ZNF138: variants seen among roughly 807,000 people sequenced by gnomAD.
The protein encoded by ZNF138 is zinc finger protein 138 (clone pHZ-32).
ZNF138 carries 33 observed loss-of-function variants against 33.0 expected under a neutral mutation model. The observed-to-expected ratio is 1.00, with a 90% CI of 0.76 to 1.34. The LOEUF (loss-of-function observed/expected upper bound fraction) is 1.34, where lower values mean the gene tolerates loss of function less well. ZNF138 is among the 40% of genes most tolerant of loss of function. The pLI is 0.00. For missense variants in ZNF138, 360 were observed against 370.8 expected (o/e 0.97, Z 0.24); for synonymous variants, 139 against 120.4 (o/e 1.15, Z -1.01).
chr7:64,805,418 A>AACAAAAC (rs772671539), intron 1 of ZNF138, among the ~76,000 whole-genome samples: 2 of 149,990 alleles, frequency 1.3e-5, no homozygotes, highest in African/African-American at 5.1e-5. Context: ...AAACAAAAAA[A>AACAAAAC]AAAACTGAGG....
the ZNF138 span, chr7:64,852,564 A>G: frequency 6.4e-7 from 1 of 1,564,872 alleles, no homozygotes; most frequent in Non-Finnish European, 8.8e-7. Flanking sequence ...ATCTCTGCAC[A>G]GAACCGAGCT....
chr7:64,847,903 G>T, the ZNF138 span, among the ~76,000 whole-genome samples: 1 of 151,976 alleles, frequency 6.6e-6, no homozygotes, highest in African/African-American at 2.4e-5. Flanking sequence ...GTTATTTGTG[G>T]CCTGTATACT....
At chr7:64,811,177 C>T (rs757807756) in intron 1 of ZNF138, among the ~76,000 whole-genome samples, 1 of 151,974 alleles carries the variant, frequency 6.6e-6, no homozygotes, top group Admixed American at 6.5e-5. Flanking sequence ...AATGCTGGGC[C>T]CTTTTTCTAA....
rs1446700696 is a variant in ZNF138 at position 64,832,626 on chromosome 7, CT to C, written c.*426del. 3 of 477,446 alleles carry C rather than the reference CT, an allele frequency of 6.3e-6. No homozygotes were observed. The highest frequency in any genetic ancestry group is 5.1e-5 in the Admixed American group (2 of 39,190). 29.6% of individuals were successfully genotyped at this position (477,446 alleles called of 1,614,324 possible). A position where few individuals can be genotyped will look rare whatever the true frequency, so the allele number is the denominator to read the frequency against. On this transcript the variant is annotated 3_prime_UTR_variant, in exon 4 of 4. Transcript: ENST00000307355. Reference sequence around the variant, plus strand: ...CAAAGCTTTTAACCAGTCCTCACACCTTATGAGACATAAGAAAATTCATAGT... The same window carrying C: ...CAAAGCTTTTAACCAGTCCTCACACCTATGAGACATAAGAAAATTCATAGT...
chr7:64,849,609 T>C, the ZNF138 span, among the ~76,000 whole-genome samples: 2 of 151,642 alleles, frequency 1.3e-5, no homozygotes, highest in African/African-American at 4.8e-5. Context: ...TTGGGCGGGG[T>C]TTGCTGCAGC....
At chr7:64,843,620 C>T in the ZNF138 span, among the ~76,000 whole-genome samples, 1 of 151,864 alleles carries the variant, frequency 6.6e-6, no homozygotes, top group South Asian at 2.1e-4. Context: ...TTTTAATAGT[C>T]TTTTGTCATA....
At chr7:64,839,070 CGA>C in the ZNF138 span, among the ~76,000 whole-genome samples, 1 of 152,122 alleles carries the variant, frequency 6.6e-6, no homozygotes, top group African/African-American at 2.4e-5. Flanking sequence ...AGCGGTCTGA[CGA>C]GAGCGGAGGT....
chr7:64,860,030 A>C, the ZNF138 span, among the ~76,000 whole-genome samples: 1 of 152,172 alleles, frequency 6.6e-6, no homozygotes, highest in Non-Finnish European at 1.5e-5. Flanking sequence ...CCAGCTACTC[A>C]GGAAGCTGAG....
intron 3 of ZNF138, among the ~76,000 whole-genome samples, chr7:64,820,939 A>G (rs62456838): frequency 0.048 from 7,212 of 151,414 alleles, 283 homozygotes; most frequent in East Asian, 0.14. Flanking sequence ...TTTTCCACCA[A>G]CAATCAACAT....
chr7:64,806,237 C>T (rs531764773), intron 1 of ZNF138, among the ~76,000 whole-genome samples: 23 of 152,326 alleles, frequency 1.5e-4, no homozygotes, highest in African/African-American at 5.5e-4. Flanking sequence ...AATATGCAGG[C>T]AGAATTGTGT....
At chr7:64,845,568 T>C in the ZNF138 span, among the ~76,000 whole-genome samples, 1 of 152,340 alleles carries the variant, frequency 6.6e-6, no homozygotes, top group South Asian at 2.1e-4. Flanking sequence ...CCCTTTTCAC[T>C]GCATCCACAC....
the ZNF138 span, among the ~76,000 whole-genome samples, chr7:64,855,553 G>A: frequency 4.6e-4 from 2 of 4,352 alleles, no homozygotes; most frequent in African/African-American, 4.8e-4. Context: ...CTCTCCCCAC[G>A]GTCTCCCTCT....
At chr7:64,827,962 G>A (rs150737685) in intron 3 of ZNF138, among the ~76,000 whole-genome samples, 36 of 152,094 alleles carry the variant, frequency 2.4e-4, no homozygotes, top group South Asian at 6.2e-4. Context: ...GTCTACTGCC[G>A]ATATAATTCT....
chr7:64,847,024 A>AT, the ZNF138 span, among the ~76,000 whole-genome samples: 5 of 152,020 alleles, frequency 3.3e-5, no homozygotes, highest in East Asian at 1.9e-4. Context: ...GATAATCGTG[A>AT]TTTTTTGTTT....
intron 3 of ZNF138, among the ~76,000 whole-genome samples, chr7:64,819,664 C>CG (rs1177046835): frequency 6.6e-6 from 1 of 151,966 alleles, no homozygotes; most frequent in Non-Finnish European, 1.5e-5. Context: ...CCACCACATC[C>CG]GGCCTGAGGG....
chr7:64,835,618 TAGC>T (rs1790345510), downstream of ZNF138: 1 of 152,102 alleles, frequency 6.6e-6, no homozygotes, highest in African/African-American at 2.4e-5. Flanking sequence ...GTTGAGATAA[TAGC>T]AGCATTCTTC....
Position 64,821,287 on chromosome 7 carries a change from C to A in ZNF138, c.208+5634C>A, listed in dbSNP as rs138558085. On this transcript the variant is annotated intron_variant, in intron 3 of 3. Transcript: ENST00000307355. The stretch of plus-strand genomic sequence containing the variant: ...TGTATTTTTAATAGAGACGGAGTTT[C>A]ACTGTGTTAGCTAGGATGGTCTTGA... Among the ~76,000 whole-genome samples, 526 of 151,004 alleles carry A rather than the reference C, an allele frequency of 3.5e-3. 27 individuals carry two copies. Among genetic ancestry groups the A allele is most frequent in the African/African-American group, 0.013 (508 of 40,534 alleles).
At position 64,815,260 on chromosome 7, in the gene ZNF138, A is replaced by G. The variant is rs558390028; in HGVS notation, c.130+216A>G. 4.6e-5 allele frequency among the ~76,000 whole-genome samples: 7 copies of G among 152,252 alleles called. No homozygotes were observed. The South Asian group carries it at 1.5e-3, about 32-fold the overall frequency. On this transcript the variant is annotated intron_variant, in intron 2 of 3. Transcript: ENST00000307355. Reference sequence around the variant, plus strand: ...TTTCCACATTTCTGAGCTGATATGTATCCTTCACTCTAGATTAGTGGTAAT... The same window carrying G: ...TTTCCACATTTCTGAGCTGATATGTGTCCTTCACTCTAGATTAGTGGTAAT...
chr7:64,811,094 C>T (rs895748833), intron 1 of ZNF138, among the ~76,000 whole-genome samples: 1 of 152,048 alleles, frequency 6.6e-6, no homozygotes, highest in Non-Finnish European at 1.5e-5. Context: ...GTATCCCTCT[C>T]CTCTGTCTAT....
Sources: gnomAD v4.1 joint callset for allele counts (sites outside exome capture counted in the v4.1 genomes callset) on GRCh38, gnomAD v4.1.1 for gene constraint, MANE v1.5 for transcripts, NCBI Gene and HGNC (gene_info 2026-07-23, HGNC 2026-07-21) for gene names.